The following SLC35F1 variants were observed in gnomAD, a reference collection of about 807,000 sequenced individuals.
SLC35F1 encodes chromosome 6 open reading frame 169.
A neutral mutation model predicts 48.7 loss-of-function variants in SLC35F1; 14 were observed. The observed-to-expected ratio is 0.29, with a 90% confidence interval of 0.19 to 0.45. The LOEUF is 0.45. Among genes scored for constraint, SLC35F1 ranks in the 20% least tolerant of loss-of-function variants. The pLI, the probability that SLC35F1 is intolerant of heterozygous loss-of-function variation, is 1.00. For synonymous variants in SLC35F1, 190 were observed against 202.2 expected (o/e 0.94, Z 0.51); for missense variants, 404 against 500.0 (o/e 0.81, Z 1.83).
intron 1 of SLC35F1, among the ~76,000 whole-genome samples, chr6:118,108,344 C>A (rs565910738): frequency 1.3e-5 from 2 of 152,200 alleles, no homozygotes; most frequent in South Asian, 4.1e-4. Context: ...ATATTGATGC[C>A]AGTGCCTAAG....
In SLC35F1 at chr6:118,275,980, A is replaced by G. The variant is rs149624241; in HGVS notation, c.794+365A>G. ...ATTTCCAAAAAGGAACATTCTGTCT[A>G]CTAGTGACAACCACCAATAGAAAAC... On this transcript the variant is annotated intron_variant, in intron 5 of 7. Transcript: ENST00000360388. 1.6e-4 allele frequency among the ~76,000 whole-genome samples: 25 copies of G among 152,324 alleles called. No individual in the cohort carries two copies. The East Asian group carries it at 4.8e-3, about 29-fold the overall frequency.
intron 7 of SLC35F1, among the ~76,000 whole-genome samples, chr6:118,307,910 C>G (rs1213584237): frequency 6.6e-6 from 1 of 152,210 alleles, no homozygotes; most frequent in African/African-American, 2.4e-5. Flanking sequence ...ATCCTCAGCC[C>G]TCTGAGAAGC....
chr6:118,266,931 C>G, intron 3 of SLC35F1, 64 bp from the exon 4 acceptor site: 1 of 1,573,562 alleles, frequency 6.4e-7, no homozygotes, highest in East Asian at 2.3e-5. Context: ...ATTACTTTTC[C>G]CTACTACATG....
chr6:118,179,316 G>A (rs1774537756), intron 2 of SLC35F1, among the ~76,000 whole-genome samples: 1 of 152,146 alleles, frequency 6.6e-6, no homozygotes. Flanking sequence ...CCTGAGAACA[G>A]GAAGAAAAGG....
chr6:118,037,982 C>T (rs912107347), intron 1 of SLC35F1, among the ~76,000 whole-genome samples: 2 of 152,054 alleles, frequency 1.3e-5, no homozygotes, highest in African/African-American at 4.8e-5. Flanking sequence ...CACATGTACA[C>T]CTATGTAACA....
intron 1 of SLC35F1, among the ~76,000 whole-genome samples, chr6:117,996,631 T>G (rs1471962741): frequency 1.3e-5 from 2 of 152,180 alleles, no homozygotes; most frequent in Non-Finnish European, 1.5e-5. Context: ...CATGAAAATC[T>G]GCTGTTCTGC....
intron 1 of SLC35F1, among the ~76,000 whole-genome samples, chr6:117,908,769 C>A (rs561550115): frequency 6.6e-6 from 1 of 152,322 alleles, no homozygotes; most frequent in East Asian, 1.9e-4. Flanking sequence ...CGAGCTGACA[C>A]CTTAAAAAAT....
chr6:118,028,596 G>A (rs1039439317), intron 1 of SLC35F1, among the ~76,000 whole-genome samples: 7 of 152,078 alleles, frequency 4.6e-5, no homozygotes, highest in African/African-American at 1.7e-4. Context: ...AAAGAAGGCT[G>A]AAGGATGGGG....
chr6:118,314,021 T>G lies in SLC35F1; in HGVS notation c.1003-7T>G, dbSNP rs1366297452. ...TGTCAAATGACTTTACTGTTGTGTTTTTTTAGTTTTCAGGACTTTATCTCC... is the reference window on the plus strand; with the variant it reads ...TGTCAAATGACTTTACTGTTGTGTTGTTTTAGTTTTCAGGACTTTATCTCC... On this transcript the variant is annotated splice_polypyrimidine_tract_variant and splice_region_variant and intron_variant, in intron 7 of 7. Coordinates refer to ENST00000360388, the MANE Select transcript of SLC35F1 (RefSeq NM_001029858.4). The G allele has an allele frequency of 6.2e-7, 1 of 1,614,000 alleles. No individual in the cohort carries two copies. The highest frequency in any genetic ancestry group is 8.5e-7 in the Non-Finnish European group (1 of 1,179,946).
At chr6:118,259,906 A>G (rs922565970) in intron 3 of SLC35F1, among the ~76,000 whole-genome samples, 2 of 152,154 alleles carry the variant, frequency 1.3e-5, no homozygotes, top group African/African-American at 4.8e-5. Flanking sequence ...CATGTTCCTC[A>G]TAAAAGCTTG....
At chr6:118,188,540 A>C (rs1774691231) in intron 2 of SLC35F1, among the ~76,000 whole-genome samples, 1 of 151,930 alleles carries the variant, frequency 6.6e-6, no homozygotes, top group African/African-American at 2.4e-5. Context: ...ACAAGAGCAA[A>C]ACTCCATTTC....
intron 3 of SLC35F1, among the ~76,000 whole-genome samples, chr6:118,257,997 CA>C (rs1314488647): frequency 6.6e-6 from 1 of 152,066 alleles, no homozygotes; most frequent in Non-Finnish European, 1.5e-5. Flanking sequence ...AACTTTATTA[CA>C]CTCTGATTAT....
intron 3 of SLC35F1, among the ~76,000 whole-genome samples, chr6:118,253,734 C>T (rs1458515262): frequency 6.6e-6 from 1 of 151,946 alleles, no homozygotes; most frequent in Non-Finnish European, 1.5e-5. Context: ...CCAACTACTG[C>T]AGAGAGGTTT....
intron 7 of SLC35F1, among the ~76,000 whole-genome samples, chr6:118,291,790 G>A (rs1283712672): frequency 6.6e-6 from 1 of 152,104 alleles, no homozygotes; most frequent in Non-Finnish European, 1.5e-5. Context: ...GTGGAAAAGG[G>A]TTTAGTCAGT....
intron 1 of SLC35F1, among the ~76,000 whole-genome samples, chr6:118,045,231 C>G (rs1562273234): frequency 6.6e-6 from 1 of 152,122 alleles, no homozygotes; most frequent in Non-Finnish European, 1.5e-5. Flanking sequence ...GGTTGTATCA[C>G]TTGCAGTAAA....
intron 2 of SLC35F1, among the ~76,000 whole-genome samples, chr6:118,168,140 C>T (rs1774346362): frequency 1.3e-5 from 2 of 152,280 alleles, no homozygotes; most frequent in Middle Eastern, 3.4e-3. Context: ...GCTGTCTTCC[C>T]CTCACCTCTT....
intron 1 of SLC35F1, among the ~76,000 whole-genome samples, chr6:117,908,314 G>C (rs964565243): frequency 2.0e-5 from 3 of 152,232 alleles, no homozygotes; most frequent in African/African-American, 7.2e-5. Context: ...CAGAGATGGC[G>C]TGGAAGTCCT....
intron 1 of SLC35F1, among the ~76,000 whole-genome samples, chr6:118,139,773 T>C (rs2114439770): frequency 6.6e-6 from 1 of 152,360 alleles, no homozygotes; most frequent in African/African-American, 2.4e-5. Context: ...CAGTGTGCTC[T>C]TGGTTTACCA....
At chr6:118,129,021 A>T (rs1773671195) in intron 1 of SLC35F1, among the ~76,000 whole-genome samples, 2 of 152,276 alleles carry the variant, frequency 1.3e-5, no homozygotes, top group Admixed American at 1.3e-4. Context: ...ATCCATTCAT[A>T]GAATATTTAT....
Sources: gnomAD v4.1 joint callset for allele counts (sites outside exome capture counted in the v4.1 genomes callset) on GRCh38, gnomAD v4.1.1 for gene constraint, MANE v1.5 for transcripts, NCBI Gene and HGNC (gene_info 2026-07-23, HGNC 2026-07-21) for gene names.